Variants in SNX13 observed in about 807,000 individuals in gnomAD.
SNX13 encodes the protein sorting nexin-13.
Under a neutral mutation model 133.6 loss-of-function variants are expected in SNX13, and 45 were observed. The observed-to-expected ratio is 0.34, with a 90% CI of 0.27 to 0.43. SNX13 has a LOEUF of 0.43. Ranked by LOEUF, SNX13 falls within the 20% of genes least tolerant of loss-of-function variation. The pLI, the probability that SNX13 is intolerant of heterozygous loss-of-function variation, is 1.00. For missense variants in SNX13, 1,032 were observed against 1,145.1 expected, an observed-to-expected ratio of 0.90 and a Z score of 1.43; for synonymous variants, 414 against 373.9, an observed-to-expected ratio of 1.11 and a Z score of -1.24.
intron 9 of SNX13, among the ~76,000 whole-genome samples, chr7:17,857,179 A>C (rs1792013215): frequency 6.6e-6 from 1 of 152,204 alleles, no homozygotes; most frequent in Non-Finnish European, 1.5e-5. Context: ...TACCAGCAAT[A>C]AACCATAAAG....
chr7:17,887,014 T>A (rs1415190570), intron 5 of SNX13, among the ~76,000 whole-genome samples: 1 of 150,874 alleles, frequency 6.6e-6, no homozygotes, highest in Non-Finnish European at 1.5e-5. Flanking sequence ...AAAGAATCTG[T>A]GTACACAACC....
chr7:17,908,015 T>C (rs184152868), intron 1 of SNX13, among the ~76,000 whole-genome samples: 1 of 152,322 alleles, frequency 6.6e-6, no homozygotes. Flanking sequence ...CACTGAACGC[T>C]CCTACCTGAA....
intron 9 of SNX13, among the ~76,000 whole-genome samples, chr7:17,859,918 G>GT (rs1257486265): frequency 6.6e-6 from 1 of 152,056 alleles, no homozygotes; most frequent in Non-Finnish European, 1.5e-5. Flanking sequence ...AGACACTTAA[G>GT]GTTATTTCCA....
intron 1 of SNX13, among the ~76,000 whole-genome samples, chr7:17,900,690 A>T (rs1797726097): frequency 6.6e-6 from 1 of 150,516 alleles, no homozygotes; most frequent in Non-Finnish European, 1.5e-5. Flanking sequence ...CAGGCCTGGG[A>T]CTCTCCCTTC....
chr7:17,894,899 G>A (rs1797037697), intron 2 of SNX13, among the ~76,000 whole-genome samples: 2 of 152,234 alleles, frequency 1.3e-5, no homozygotes, highest in African/African-American at 4.8e-5. Flanking sequence ...AGCAGGGGTT[G>A]GGGGTTGAGA....
intron 14 of SNX13, 103 bp from the exon 15 acceptor site, chr7:17,834,287 T>A: frequency 1.0e-6 from 1 of 993,734 alleles, no homozygotes. Context: ...TGCCATAATG[T>A]ATCATAGTTA....
At chr7:17,826,130 T>C (rs768457602) in intron 16 of SNX13, 39 bp from the exon 17 acceptor site, 5 of 1,353,444 alleles carry the variant, frequency 3.7e-6, no homozygotes, top group Non-Finnish European at 4.1e-6. Context: ...TTTAAAATTT[T>C]ATAGGGAAAA....
chr7:17,886,503 G>A (rs1796005391), intron 5 of SNX13, among the ~76,000 whole-genome samples: 1 of 151,880 alleles, frequency 6.6e-6, no homozygotes, highest in South Asian at 2.1e-4. Flanking sequence ...GGGATGCAGA[G>A]GTTGCAGTGA....
At chr7:17,821,409 A>G in intron 18 of SNX13, 100 bp downstream of exon 18, 1 of 1,192,238 alleles carries the variant, frequency 8.4e-7, no homozygotes, top group Non-Finnish European at 1.2e-6. Context: ...TTCTTACCTT[A>G]TTTTTTTAAT....
At chr7:17,839,720 G>C (rs1465152179) in intron 13 of SNX13, 87 bp downstream of exon 13, 2 of 1,030,352 alleles carry the variant, frequency 1.9e-6, no homozygotes, top group Non-Finnish European at 2.7e-6. Flanking sequence ...ATGTTTTCGA[G>C]GTAGTCAGCC....
chr7:17,805,238 T>TGTGG (rs1785076382), intron 20 of SNX13, among the ~76,000 whole-genome samples: 1 of 113,004 alleles, frequency 8.8e-6, no homozygotes, highest in Non-Finnish European at 2.0e-5. Flanking sequence ...TGTGTGTGTG[T>TGTGG]GTGTGTGTGT....
Position 17,873,571 on chromosome 7 carries a change from G to A in SNX13, c.710C>T (p.Pro237Leu). The A allele has an allele frequency of 1.3e-6, 2 of 1,586,292 alleles. No homozygotes were observed. The highest frequency in any genetic ancestry group is 1.7e-6 in the Non-Finnish European group (2 of 1,166,622). ...GATCTTGTTCTGGAAATCTCCAGGAGGTAGCAATAAATATAGTAAGACCTC... is the reference window on the plus strand; with the variant it reads ...GATCTTGTTCTGGAAATCTCCAGGAAGTAGCAATAAATATAGTAAGACCTC... The part of the protein sequence containing the change: ...LCEVLLYLLL[P>L]PGDFQNKIMR... Residue 237 changes from proline to leucine, a missense_variant, in exon 8 of 26, where the codon CCT (proline) becomes CTT (leucine). Coordinates refer to ENST00000428135, the MANE Select transcript of SNX13 (RefSeq NM_015132.5).
intron 1 of SNX13, among the ~76,000 whole-genome samples, chr7:17,928,662 A>C (rs1217779121): frequency 6.6e-6 from 1 of 152,220 alleles, no homozygotes; most frequent in Non-Finnish European, 1.5e-5. Flanking sequence ...CTAACCCGCC[A>C]CTAACATCTT....
At chr7:17,902,191 C>T (rs1797908043) in intron 1 of SNX13, among the ~76,000 whole-genome samples, 1 of 148,772 alleles carries the variant, frequency 6.7e-6, no homozygotes, top group African/African-American at 2.5e-5. Context: ...TGAATTTCTG[C>T]AATGTGCCAG....
At chr7:17,900,017 T>A (rs1045493072) in intron 1 of SNX13, 8 of 152,252 alleles carry the variant, frequency 5.3e-5, no homozygotes, top group Non-Finnish European at 1.0e-4. Context: ...TGTAGCCATA[T>A]ATACATTAGA....
At position 17,875,534 on chromosome 7, in the gene SNX13, T is replaced by C; in HGVS notation, c.610A>G (p.Met204Val). The stretch of plus-strand genomic sequence containing the variant: ...AGATCACGGCAAACCTCCTTCTCCA[T>C]TTCAACTTCAACTTCAAAGAAGGTA... ...VDTFFEVEVE[M>V]EKEVCRDLVC... The change falls in exon 7 of 26, where the codon ATG becomes GTG. Residue 204 changes from methionine to valine, a missense_variant. Met to Val is a conservative substitution (Grantham distance 21). Transcript: ENST00000428135. 3.1e-6 allele frequency: 5 copies of C among 1,610,862 alleles called. No homozygotes were observed. The highest frequency in any genetic ancestry group is 4.2e-6 in the Non-Finnish European group (5 of 1,179,412).
intron 16 of SNX13, among the ~76,000 whole-genome samples, chr7:17,828,584 A>C (rs1788154545): frequency 2.0e-5 from 3 of 151,580 alleles, no homozygotes; most frequent in African/African-American, 7.2e-5. Flanking sequence ...TTACAATCTT[A>C]AGCTATTTTT....
At chr7:17,876,416 A>G (rs1305585514) in intron 5 of SNX13, among the ~76,000 whole-genome samples, 1 of 152,072 alleles carries the variant, frequency 6.6e-6, no homozygotes, top group Non-Finnish European at 1.5e-5. Flanking sequence ...CTGTCTCTAC[A>G]AAAATTACAA....
chr7:17,911,174 T>C (rs188981358), intron 1 of SNX13, among the ~76,000 whole-genome samples: 124 of 152,344 alleles, frequency 8.1e-4, no homozygotes, highest in Middle Eastern at 3.4e-3. Flanking sequence ...CATGGTTTCT[T>C]CATCTGTACA....
Sources: gnomAD v4.1 joint callset for allele counts (sites outside exome capture counted in the v4.1 genomes callset) on GRCh38, gnomAD v4.1.1 for gene constraint, MANE v1.5 for transcripts, NCBI Gene and HGNC (gene_info 2026-07-23, HGNC 2026-07-21) for gene names.